BZW2: variants seen among roughly 807,000 people sequenced by gnomAD.
BZW2 encodes the protein eIF5-mimic protein 1.
A neutral mutation model predicts 53.2 loss-of-function variants in BZW2; 23 were observed. The observed-to-expected ratio is 0.43, with a 90% confidence interval of 0.31 to 0.61. BZW2 has a LOEUF of 0.61. BZW2 is among the 20% of genes least tolerant of loss of function. The pLI, the probability that BZW2 is intolerant of heterozygous loss-of-function variation, is 0.09. For synonymous variants in BZW2, 227 were observed against 186.4 expected, an observed-to-expected ratio of 1.22 and a Z score of -1.77; for missense variants, 409 against 503.1, an observed-to-expected ratio of 0.81 and a Z score of 1.79.
intron 5 of BZW2, among the ~76,000 whole-genome samples, chr7:16,685,431 G>T (rs567495091): frequency 1.9e-4 from 28 of 149,552 alleles, no homozygotes; most frequent in Middle Eastern, 3.4e-3. Flanking sequence ...TTTTGTTTGT[G>T]TGGGGCTTTT....
intron 3 of BZW2, among the ~76,000 whole-genome samples, chr7:16,675,170 A>T (rs1391175391): frequency 6.6e-6 from 1 of 152,210 alleles, no homozygotes; most frequent in Non-Finnish European, 1.5e-5. Context: ...TAAGTAGATG[A>T]TTCTAATATT....
At chr7:16,696,812 G>T in intron 8 of BZW2, 103 bp from the exon 9 acceptor site, 1 of 1,180,246 alleles carries the variant, frequency 8.5e-7, no homozygotes, top group Non-Finnish European at 1.2e-6. Flanking sequence ...TAAGCAGATT[G>T]TTTCTTAGCT....
intron 2 of BZW2, among the ~76,000 whole-genome samples, chr7:16,670,400 C>T (rs1281104149): frequency 1.3e-5 from 2 of 152,128 alleles, no homozygotes; most frequent in Non-Finnish European, 2.9e-5. Flanking sequence ...TTTACATTTC[C>T]CAATGCCTCC....
chr7:16,684,188 A>G (rs1341286856), intron 5 of BZW2, among the ~76,000 whole-genome samples: 1 of 152,242 alleles, frequency 6.6e-6, no homozygotes, highest in Non-Finnish European at 1.5e-5. Context: ...GAAAATGCCC[A>G]TGACAAATTA....
chr7:16,689,904 C>G lies in BZW2; in HGVS notation c.649C>G (p.Leu217Val), dbSNP rs141321905. The change falls in exon 7 of 12, where the codon CTT (leucine) becomes GTT (valine). Residue 217 changes from leucine (L) to valine (V), a missense_variant and splice_region_variant. Physicochemically the swap from Leu to Val is conservative, Grantham distance 32 (BLOSUM62 1). Coordinates refer to ENST00000258761, the MANE Select transcript of BZW2 (RefSeq NM_014038.3). The part of the protein sequence containing the change: ...LRKANLDKRL[L>V]ELFPVNRQSV... The stretch of plus-strand genomic sequence containing the variant: ...AAAAGCCAACTTAGACAAGAGGCTG[C>G]TTGTAAGTGTTTTCTGGTTAAAGAG... 6.2e-6 allele frequency: 10 copies of G among 1,607,644 alleles called. No individual in the cohort carries two copies. The highest frequency in any genetic ancestry group is 1.6e-4 in the Middle Eastern group (1 of 6,062).
intron 3 of BZW2, among the ~76,000 whole-genome samples, chr7:16,678,087 CTTTTTT>C (rs71007780): frequency 0.035 from 2,325 of 66,892 alleles, 34 homozygotes; most frequent in African/African-American, 0.071. Flanking sequence ...TTCCATTGTT[CTTTTTT>C]TTTTTTTTTT....
At chr7:16,681,790 C>G (rs1313082477) in intron 4 of BZW2, among the ~76,000 whole-genome samples, 1 of 152,144 alleles carries the variant, frequency 6.6e-6, no homozygotes, top group Non-Finnish European at 1.5e-5. Flanking sequence ...TGAGATCGTG[C>G]CACTGCTCAA....
intron 7 of BZW2, among the ~76,000 whole-genome samples, chr7:16,694,344 TC>T (rs1212462983): frequency 3.3e-5 from 5 of 152,158 alleles, no homozygotes; most frequent in African/African-American, 9.7e-5. Context: ...GGAGGCTAAG[TC>T]CCATGTCAAG....
chr7:16,701,778 T>C (rs1783676450), intron 10 of BZW2, among the ~76,000 whole-genome samples: 1 of 152,214 alleles, frequency 6.6e-6, no homozygotes, highest in African/African-American at 2.4e-5. Flanking sequence ...CATTAAATGC[T>C]GGAAATGAGA....
chr7:16,694,534 C>G (rs1384425843), intron 7 of BZW2, among the ~76,000 whole-genome samples: 2 of 152,118 alleles, frequency 1.3e-5, no homozygotes, highest in Non-Finnish European at 2.9e-5. Flanking sequence ...TTAATCCATT[C>G]ATGAGGGCAG....
intron 2 of BZW2, among the ~76,000 whole-genome samples, chr7:16,669,344 C>G (rs1033267158): frequency 6.6e-6 from 1 of 152,196 alleles, no homozygotes; most frequent in Non-Finnish European, 1.5e-5. Context: ...TCAGGTTCGT[C>G]TCAGAACGCC....
intron 1 of BZW2, among the ~76,000 whole-genome samples, chr7:16,664,633 G>A (rs1240367933): frequency 6.6e-6 from 1 of 152,176 alleles, no homozygotes; most frequent in African/African-American, 2.4e-5. Context: ...GGTACAGTTA[G>A]ATCTAATTCT....
At chr7:16,694,240 A>G (rs541865027) in intron 7 of BZW2, among the ~76,000 whole-genome samples, 1 of 152,320 alleles carries the variant, frequency 6.6e-6, no homozygotes, top group South Asian at 2.1e-4. Flanking sequence ...TAGAGTTGGT[A>G]GGGTAGGTGT....
intron 5 of BZW2, among the ~76,000 whole-genome samples, chr7:16,684,399 A>C (rs1783050547): frequency 6.6e-6 from 1 of 152,242 alleles, no homozygotes; most frequent in Non-Finnish European, 1.5e-5. Flanking sequence ...GCAGTAAAAA[A>C]CAATATGTGT....
chr7:16,685,246 T>C (rs1200755128), intron 5 of BZW2, among the ~76,000 whole-genome samples: 1 of 152,194 alleles, frequency 6.6e-6, no homozygotes, highest in Non-Finnish European at 1.5e-5. Context: ...GCTACTTTTT[T>C]AGTTCCCTGC....
At chr7:16,703,197 A>G (rs1467075965) in intron 10 of BZW2, among the ~76,000 whole-genome samples, 1 of 152,218 alleles carries the variant, frequency 6.6e-6, no homozygotes, top group Non-Finnish European at 1.5e-5. Context: ...GAATAAGTCT[A>G]CAGGACCCCT....
At chr7:16,664,099 A>T (rs1782347638) in intron 1 of BZW2, among the ~76,000 whole-genome samples, 1 of 152,166 alleles carries the variant, frequency 6.6e-6, no homozygotes, top group Non-Finnish European at 1.5e-5. Context: ...GCTTTTTTCC[A>T]CTATCAATAT....
rs143380599 is a variant in BZW2, at chr7:16,675,832, C to T, written c.235+1244C>T. Among the ~76,000 whole-genome samples the T allele has an allele frequency of 7.1e-3, 1,078 of 152,334 alleles. 18 individuals are homozygous for T. The highest frequency in any genetic ancestry group is 0.025 in the African/African-American group (1,021 of 41,576). On this transcript the variant is annotated intron_variant, in intron 3 of 11. Coordinates refer to ENST00000258761, the MANE Select transcript of BZW2 (RefSeq NM_014038.3). ...TGGTGGCTCACGCCTGTAATCCCAA[C>T]ACTTTGGGAGGCTGAGGCGGGCGGA...
chr7:16,698,053 T>A lies in BZW2; in HGVS notation c.975T>A (p.Tyr325Ter), dbSNP rs1215677294. 1 of 1,614,110 alleles carries A rather than the reference T, an allele frequency of 6.2e-7. No homozygotes were observed. The highest frequency in any genetic ancestry group is 8.5e-7 in the Non-Finnish European group (1 of 1,179,962). The change falls in exon 10 of 12, where the codon TAT becomes TAA. Residue 325 changes from tyrosine (Y) to a stop codon, truncating the protein, a stop_gained. Coordinates refer to ENST00000258761, the MANE Select transcript of BZW2 (RefSeq NM_014038.3). LOFTEE classifies it high-confidence loss of function. The stretch of plus-strand genomic sequence containing the variant: ...ACTCTCCACTTCTGTTCTAGCAATA[T>A]GCTCCCCTGCTGGCCGTGTTCAGCT... ...AEQALKHLKQ[Y>*]APLLAVFSSQ...
Sources: allele counts gnomAD v4.1 joint callset (sites outside exome capture counted in the v4.1 genomes callset), GRCh38; gene constraint gnomAD v4.1.1; transcripts MANE v1.5; gene names NCBI Gene and HGNC (gene_info 2026-07-23, HGNC 2026-07-21).